The following XPNPEP3 variants were observed in gnomAD, a reference collection of about 807,000 sequenced individuals.
XPNPEP3 encodes the protein X-prolyl aminopeptidase 3.
XPNPEP3 carries 41 observed loss-of-function variants against 60.0 expected under a neutral mutation model. That is an observed-to-expected ratio of 0.68 (90% CI 0.53 to 0.89). The LOEUF (loss-of-function observed/expected upper bound fraction) is 0.89, where lower values mean the gene tolerates loss of function less well. Ranked by LOEUF, XPNPEP3 falls within the 40% of genes least tolerant of loss-of-function variation. XPNPEP3 has a pLI of 0.00. For synonymous variants in XPNPEP3, 212 were observed against 223.2 expected (o/e 0.95, Z 0.45); for missense variants, 598 against 638.9 (o/e 0.94, Z 0.69).
chr22:40,893,528 A>G (rs2058096578), intron 4 of XPNPEP3, among the ~76,000 whole-genome samples: 1 of 150,320 alleles, frequency 6.7e-6, no homozygotes, highest in Admixed American at 6.6e-5. Flanking sequence ...AAAAAAAAAA[A>G]GATGCATCCT....
chr22:40,921,821 A>G (rs981113935), intron 7 of XPNPEP3, among the ~76,000 whole-genome samples: 1 of 152,116 alleles, frequency 6.6e-6, no homozygotes, highest in Admixed American at 6.6e-5. Context: ...CATATCATGT[A>G]TCATCCCAGG....
chr22:40,886,871 G>C (rs1422388775), intron 4 of XPNPEP3, among the ~76,000 whole-genome samples: 1 of 150,188 alleles, frequency 6.7e-6, no homozygotes, highest in Non-Finnish European at 1.5e-5. Flanking sequence ...GTTTTTTCCA[G>C]ATTGGAAAAA....
chr22:40,871,827 G>A (rs2058007134), intron 2 of XPNPEP3, among the ~76,000 whole-genome samples: 1 of 152,204 alleles, frequency 6.6e-6, no homozygotes, highest in Admixed American at 6.5e-5. Context: ...GAGGTCAGGA[G>A]TTCGAGACCA....
intron 7 of XPNPEP3, among the ~76,000 whole-genome samples, chr22:40,916,050 T>TG (rs1228444252): frequency 6.6e-6 from 1 of 152,096 alleles, no homozygotes; most frequent in East Asian, 1.9e-4. Context: ...TCTAGCACTT[T>TG]GGGGGGCCGA....
intron 8 of XPNPEP3, 108 bp from the exon 9 acceptor site, chr22:40,924,254 C>T: frequency 4.0e-6 from 6 of 1,508,382 alleles, no homozygotes; most frequent in South Asian, 3.4e-5. Context: ...ACTGAAGTGG[C>T]AGAACCATGG....
chr22:40,864,556 C>G (rs1479316015), intron 1 of XPNPEP3, among the ~76,000 whole-genome samples: 1 of 152,156 alleles, frequency 6.6e-6, no homozygotes, highest in Non-Finnish European at 1.5e-5. Context: ...AGCCATTCTC[C>G]TGCCTCAGCC....
At chr22:40,871,299 G>A (rs967243924) in intron 2 of XPNPEP3, among the ~76,000 whole-genome samples, 1 of 152,164 alleles carries the variant, frequency 6.6e-6, no homozygotes, top group Non-Finnish European at 1.5e-5. Context: ...GATGCAGTGA[G>A]CTGTGATCAT....
At chr22:40,926,212 C>G in intron 9 of XPNPEP3, 57 bp from the exon 10 acceptor site, 1 of 1,607,142 alleles carries the variant, frequency 6.2e-7, no homozygotes, top group Non-Finnish European at 8.5e-7. Context: ...CTTACTTGCC[C>G]CAAACCACCC....
intron 4 of XPNPEP3, 109 bp from the exon 5 acceptor site, chr22:40,907,478 A>G: frequency 8.7e-7 from 1 of 1,154,080 alleles, no homozygotes; most frequent in Non-Finnish European, 1.3e-6. Flanking sequence ...CTTCAGGCTG[A>G]CGAAATTGTG....
Position 40,907,479 on chromosome 22 carries a change from C to G in XPNPEP3, c.793-108C>G. On this transcript the variant is annotated intron_variant, in intron 4 of 9. Coordinates refer to ENST00000357137, the MANE Select transcript of XPNPEP3 (RefSeq NM_022098.4). ...CCAGTAGGTCACAACTTCAGGCTGACGAAATTGTGGGAAAAGGTGCTTTTC... is the reference window on the plus strand; with the variant it reads ...CCAGTAGGTCACAACTTCAGGCTGAGGAAATTGTGGGAAAAGGTGCTTTTC... The G allele has an allele frequency of 3.4e-6, 4 of 1,189,238 alleles. No homozygotes were observed. In the South Asian group the frequency reaches 4.9e-5, roughly 15 times the overall value. The allele number at this position is 1,189,238 out of a possible 1,614,324, so 73.7% of individuals were successfully genotyped here. A position where few individuals can be genotyped will look rare whatever the true frequency, so the allele number is the denominator to read the frequency against.
chr22:40,926,148 A>C, intron 9 of XPNPEP3, 121 bp from the exon 10 acceptor site: 74 of 950,830 alleles, frequency 7.8e-5, no homozygotes, highest in Non-Finnish European at 1.0e-4. Flanking sequence ...TTTACTAGGT[A>C]GGTACCATAA....
chr22:40,901,457 A>C (rs1422579261), intron 4 of XPNPEP3, among the ~76,000 whole-genome samples: 1 of 151,448 alleles, frequency 6.6e-6, no homozygotes, highest in Non-Finnish European at 1.5e-5. Flanking sequence ...CTGGTCTCTA[A>C]CTCCCGAACT....
chr22:40,877,730 C>T (rs2058032832), intron 2 of XPNPEP3, among the ~76,000 whole-genome samples: 1 of 152,130 alleles, frequency 6.6e-6, no homozygotes, highest in African/African-American at 2.4e-5. Flanking sequence ...AGTTTTACCA[C>T]GTTGCCTGAG....
chr22:40,869,151 G>C, intron 2 of XPNPEP3, 36 bp downstream of exon 2: 1 of 1,548,332 alleles, frequency 6.5e-7, no homozygotes, highest in Non-Finnish European at 8.9e-7. Context: ...CCCCATTTAG[G>C]TTCTGTCTAG....
At chr22:40,892,007 A>G (rs192151068) in intron 4 of XPNPEP3, among the ~76,000 whole-genome samples, 1 of 152,274 alleles carries the variant, frequency 6.6e-6, no homozygotes, top group East Asian at 1.9e-4. Flanking sequence ...TTGTGTTAAC[A>G]TGCAAGCTTA....
chr22:40,873,533 C>T (rs2058016097), intron 2 of XPNPEP3, among the ~76,000 whole-genome samples: 1 of 152,052 alleles, frequency 6.6e-6, no homozygotes, highest in South Asian at 2.1e-4. Flanking sequence ...ACTATAATGG[C>T]AGAAGCCAGG....
At chr22:40,880,184 T>G (rs535918933) in intron 2 of XPNPEP3, among the ~76,000 whole-genome samples, 2 of 152,190 alleles carry the variant, frequency 1.3e-5, no homozygotes, top group Admixed American at 1.3e-4. Context: ...AGTACTAAGA[T>G]ATAAGTACAA....
At chr22:40,919,513 T>A (rs139043925) in intron 7 of XPNPEP3, among the ~76,000 whole-genome samples, 15 of 152,310 alleles carry the variant, frequency 9.8e-5, no homozygotes, top group African/African-American at 3.6e-4. Context: ...TATAGGCACG[T>A]GCCACCATGC....
At chr22:40,865,468 A>G (rs906858201) in intron 1 of XPNPEP3, among the ~76,000 whole-genome samples, 4 of 151,404 alleles carry the variant, frequency 2.6e-5, no homozygotes, top group African/African-American at 9.7e-5. Context: ...AGCTGGGATT[A>G]CAGGCATGTG....
Sources: gnomAD v4.1 joint callset for allele counts (sites outside exome capture counted in the v4.1 genomes callset) on GRCh38, gnomAD v4.1.1 for gene constraint, MANE v1.5 for transcripts, NCBI Gene and HGNC (gene_info 2026-07-23, HGNC 2026-07-21) for gene names.